AP2B1: variants seen among roughly 807,000 people sequenced by gnomAD.
The protein encoded by AP2B1 is AP-2 complex subunit beta.
AP2B1 carries 23 observed loss-of-function variants against 102.0 expected under a neutral mutation model. The ratio of observed to expected loss-of-function variants is 0.23; its 90% CI spans 0.16 to 0.32. AP2B1 has a LOEUF of 0.32. Ranked by LOEUF, AP2B1 falls within the 10% of genes least tolerant of loss-of-function variation. The pLI is 1.00. For synonymous variants in AP2B1, 381 were observed against 421.2 expected, an observed-to-expected ratio of 0.90 and a Z score of 1.17; for missense variants, 541 against 1,157.4, an observed-to-expected ratio of 0.47 and a Z score of 7.73.
intron 1 of AP2B1, among the ~76,000 whole-genome samples, chr17:35,590,567 G>A (rs2073061088): frequency 6.6e-6 from 1 of 152,132 alleles, no homozygotes. Flanking sequence ...CTGCCAATAT[G>A]GTTAGGGAAT....
At chr17:35,663,350 T>C (rs2075397493) in intron 14 of AP2B1, among the ~76,000 whole-genome samples, 1 of 152,236 alleles carries the variant, frequency 6.6e-6, no homozygotes, top group South Asian at 2.1e-4. Context: ...TTTTTATAAT[T>C]TCTAATCCTC....
Position 35,588,247 on chromosome 17 carries a change from G to T in AP2B1, c.-24+819G>T, listed in dbSNP as rs1380579994. Among the ~76,000 whole-genome samples, 7 of 140,614 alleles carry T rather than the reference G, an allele frequency of 5.0e-5. No individual in the cohort carries two copies. The East Asian group carries it at 1.5e-3, about 30-fold the overall frequency. The allele number at this position is 140,614 out of a possible 152,430, so 92.2% of individuals were successfully genotyped here. On this transcript the variant is annotated intron_variant, in intron 1 of 21. Transcript: ENST00000610402. The stretch of plus-strand genomic sequence containing the variant: ...CTTCTATTGGAGGGGTGGGGTGGGG[G>T]GGGACAGGCCTTTATTGAACTCACG...
chr17:35,639,532 C>A (rs972819804), intron 10 of AP2B1, 63 bp from the exon 11 acceptor site: 1 of 1,489,116 alleles, frequency 6.7e-7, no homozygotes, highest in Non-Finnish European at 9.1e-7. Context: ...TGCCTTTAGC[C>A]TTCACTGTTA....
chr17:35,626,562 G>A, intron 6 of AP2B1, 59 bp from the exon 7 acceptor site: 1 of 1,374,292 alleles, frequency 7.3e-7, no homozygotes, highest in South Asian at 1.2e-5. Flanking sequence ...TTACCTTATA[G>A]AATGAATTCA....
chr17:35,618,141 T>C (rs2074076973), intron 5 of AP2B1, among the ~76,000 whole-genome samples: 1 of 152,190 alleles, frequency 6.6e-6, no homozygotes, highest in Non-Finnish European at 1.5e-5. Context: ...AGACAGTGTT[T>C]TGGATTAAAG....
At chr17:35,667,697 G>A (rs757129131) in intron 14 of AP2B1, among the ~76,000 whole-genome samples, 5 of 152,066 alleles carry the variant, frequency 3.3e-5, no homozygotes, top group African/African-American at 7.3e-5. Flanking sequence ...ATTGAATTTA[G>A]CAAAACTGCT....
chr17:35,657,505 A>G (rs1024344931), intron 13 of AP2B1, 94 bp from the exon 14 acceptor site: 1 of 950,026 alleles, frequency 1.1e-6, no homozygotes, highest in Non-Finnish European at 1.6e-6. Flanking sequence ...TTTGATAGTT[A>G]TATATAGCTA....
intron 18 of AP2B1, among the ~76,000 whole-genome samples, chr17:35,691,294 A>G (rs1311366808): frequency 6.6e-6 from 1 of 152,070 alleles, no homozygotes; most frequent in Non-Finnish European, 1.5e-5. Context: ...CTACTCCTAC[A>G]TGTAGTTCCA....
intron 17 of AP2B1, 103 bp downstream of exon 17, chr17:35,674,424 C>G: frequency 7.2e-7 from 1 of 1,387,330 alleles, no homozygotes; most frequent in Non-Finnish European, 1.0e-6. Flanking sequence ...ACATATTGGG[C>G]CAGGTACAGT....
intron 18 of AP2B1, among the ~76,000 whole-genome samples, chr17:35,693,997 T>TGA (rs1212951273): frequency 6.6e-6 from 1 of 152,222 alleles, no homozygotes; most frequent in African/African-American, 2.4e-5. Flanking sequence ...CTAACTAATC[T>TGA]GAGGATGTAT....
intron 11 of AP2B1, among the ~76,000 whole-genome samples, chr17:35,641,067 A>T (rs562065159): frequency 6.6e-6 from 1 of 152,360 alleles, no homozygotes; most frequent in East Asian, 1.9e-4. Flanking sequence ...TAATAGACCT[A>T]ATTCAAGGAG....
At chr17:35,707,921 G>A (rs2076376850) in intron 18 of AP2B1, among the ~76,000 whole-genome samples, 1 of 152,194 alleles carries the variant, frequency 6.6e-6, no homozygotes, top group African/African-American at 2.4e-5. Flanking sequence ...CAGGTTAAAA[G>A]CAAGGAGAAT....
intron 12 of AP2B1, 45 bp from the exon 13 acceptor site, chr17:35,650,483 TGG>T (rs776538455): frequency 1.1e-4 from 180 of 1,596,402 alleles, no homozygotes; most frequent in Non-Finnish European, 1.8e-5. Flanking sequence ...GGTTTCTGTA[TGG>T]AGAACAGTTT....
chr17:35,628,906 A>G (rs1026745245), intron 9 of AP2B1, among the ~76,000 whole-genome samples: 1 of 152,014 alleles, frequency 6.6e-6, no homozygotes, highest in African/African-American at 2.4e-5. Context: ...AATGCAAATG[A>G]TTACATTTTC....
chr17:35,673,929 G>GT (rs920717591), intron 16 of AP2B1, among the ~76,000 whole-genome samples: 5 of 152,262 alleles, frequency 3.3e-5, no homozygotes, highest in South Asian at 4.1e-4. Context: ...TTAAAGACTG[G>GT]TTTTTTAAAA....
At chr17:35,695,977 C>A (rs971260366) in intron 18 of AP2B1, among the ~76,000 whole-genome samples, 2 of 152,102 alleles carry the variant, frequency 1.3e-5, no homozygotes, top group Admixed American at 1.3e-4. Context: ...CTGGCCAGTG[C>A]TATAGCAAGA....
chr17:35,709,445 A>G (rs753740382), intron 19 of AP2B1, 137 bp downstream of exon 19: 145 of 671,746 alleles, frequency 2.2e-4, no homozygotes, highest in Non-Finnish European at 3.6e-4. Flanking sequence ...AGCTCTTAAT[A>G]ATTGCTCATT....
At chr17:35,656,406 TGTTGA>T (rs1445203883) in intron 13 of AP2B1, among the ~76,000 whole-genome samples, 11 of 152,222 alleles carry the variant, frequency 7.2e-5, no homozygotes, top group Non-Finnish European at 1.6e-4. Flanking sequence ...TTTTATTGCC[TGTTGA>T]GTTGTTGTTA....
intron 18 of AP2B1, among the ~76,000 whole-genome samples, chr17:35,688,951 G>A (rs2075989431): frequency 2.0e-5 from 3 of 152,030 alleles, no homozygotes; most frequent in South Asian, 2.1e-4. Flanking sequence ...GTGACAGAAC[G>A]AGCCACAAGC....
Sources: allele counts gnomAD v4.1 joint callset (sites outside exome capture counted in the v4.1 genomes callset), GRCh38; gene constraint gnomAD v4.1.1; transcripts MANE v1.5; gene names NCBI Gene and HGNC (gene_info 2026-07-23, HGNC 2026-07-21).